Variants in ZFHX3 observed in about 807,000 individuals in gnomAD.
The protein encoded by ZFHX3 is zinc finger homeobox protein 3.
In ZFHX3, 42 loss-of-function variants were observed where a neutral mutation model predicts 279.1. That is an observed-to-expected ratio of 0.15 (90% confidence interval 0.12 to 0.19). The LOEUF (loss-of-function observed/expected upper bound fraction) is 0.19. Among genes scored for constraint, ZFHX3 ranks in the 10% least tolerant of loss-of-function variants. The pLI, the probability that ZFHX3 is intolerant of heterozygous loss-of-function variation, is 1.00. For synonymous variants in ZFHX3, 2,293 were observed against 1,957.8 expected (o/e 1.17, Z -4.52); for missense variants, 4,981 against 4,754.0 (o/e 1.05, Z -1.40).
chr16:73,806,927 G>A (rs910298774), intron 1 of ZFHX3, among the ~76,000 whole-genome samples: 14 of 152,306 alleles, frequency 9.2e-5, no homozygotes, highest in Non-Finnish European at 8.8e-5. Flanking sequence ...TAACTCAAGG[G>A]AATGCGAGCG....
intron 1 of ZFHX3, among the ~76,000 whole-genome samples, chr16:73,704,571 T>A (rs542458068): frequency 6.6e-6 from 1 of 152,328 alleles, no homozygotes; most frequent in Non-Finnish European, 1.5e-5. Flanking sequence ...TGTCTGTTGT[T>A]CCTGCCTTGT....
At chr16:73,868,278 T>C (rs1240520848) in intron 1 of ZFHX3, among the ~76,000 whole-genome samples, 2 of 152,186 alleles carry the variant, frequency 1.3e-5, no homozygotes, top group East Asian at 3.9e-4. Context: ...ATCCCAGCAG[T>C]TTGGGAGGCC....
chr16:73,485,062 A>T (rs1166926198), intron 2 of ZFHX3, among the ~76,000 whole-genome samples: 1 of 152,222 alleles, frequency 6.6e-6, no homozygotes, highest in Non-Finnish European at 1.5e-5. Flanking sequence ...CAAAGGGTAA[A>T]GAAAGAAGTA....
intron 2 of ZFHX3, among the ~76,000 whole-genome samples, chr16:73,587,900 T>C (rs75155000): frequency 0.018 from 2,694 of 152,280 alleles, 87 homozygotes; most frequent in East Asian, 0.096. Flanking sequence ...TTTCATATAA[T>C]ACAACTTAAA....
chr16:73,692,722 G>A (rs553154082), intron 1 of ZFHX3, among the ~76,000 whole-genome samples: 104 of 152,280 alleles, frequency 6.8e-4, no homozygotes, highest in African/African-American at 2.3e-3. Context: ...AAGGGGGAAC[G>A]TGAATTAAAG....
chr16:73,307,179 CT>C (rs1282667190), intron 4 of ZFHX3, among the ~76,000 whole-genome samples: 3 of 152,226 alleles, frequency 2.0e-5, no homozygotes, highest in African/African-American at 7.2e-5. Context: ...ATAGCAGCCC[CT>C]GTCCATCAAG....
chr16:72,952,753 C>T (rs1477238911), intron 2 of ZFHX3, among the ~76,000 whole-genome samples: 3 of 152,226 alleles, frequency 2.0e-5, no homozygotes, highest in East Asian at 1.9e-4. Flanking sequence ...TACAAGCTCA[C>T]ATTTGCTATG....
chr16:73,305,166 T>C lies in ZFHX3; in HGVS notation c.-1194+13074A>G, dbSNP rs530653689. On this transcript the variant is annotated intron_variant, in intron 4 of 17. Transcript: ENST00000641206. ...ACAGCAGCGGCATGAGCTGCCAACA[T>C]GAGGCGGGGTGGCCAGGTGGGAGGA... is the stretch of plus-strand genomic sequence containing the variant. Among the ~76,000 whole-genome samples the C allele has an allele frequency of 4.2e-4, 64 of 152,060 alleles. 2 individuals carry two copies. The East Asian group carries it at 0.012, about 28-fold the overall frequency.
chr16:73,337,120 T>C lies in ZFHX3; in HGVS notation c.-1290-18784A>G, dbSNP rs148854183. Among the ~76,000 whole-genome samples, 165 of 152,294 alleles carry C rather than the reference T, an allele frequency of 1.1e-3. 5 individuals carry two copies. In the East Asian group the frequency reaches 0.031, roughly 29 times the overall value. ...ATCATCATATTTCAAAATCCCCATT[T>C]ATTTCCATTTACCTGTTAGTCCCAG... On this transcript the variant is annotated intron_variant, in intron 3 of 17. Transcript: ENST00000641206.
At chr16:72,990,401 C>A (rs1041527347) in intron 1 of ZFHX3, among the ~76,000 whole-genome samples, 4 of 152,148 alleles carry the variant, frequency 2.6e-5, no homozygotes, top group Non-Finnish European at 5.9e-5. Flanking sequence ...CACATCGTGC[C>A]CCTGCCTCCA....
rs192421191 is a variant in ZFHX3, at chr16:73,591,923, G to T, written c.-1547+88257C>A. On this transcript the variant is annotated intron_variant, in intron 2 of 17. Coordinates refer to the ZFHX3 transcript ENST00000641206. ...TAATTTTTAGGTATGAACTGTTGGT[G>T]TGGCTATATTTTGTAAAGAAGTTCT... Among the ~76,000 whole-genome samples the T allele has an allele frequency of 3.2e-3, 482 of 151,896 alleles. 2 individuals are homozygous for T. The highest frequency in any genetic ancestry group is 0.011 in the African/African-American group (469 of 41,426).
chr16:73,437,581 T>C (rs1282266539), intron 3 of ZFHX3, among the ~76,000 whole-genome samples: 1 of 152,188 alleles, frequency 6.6e-6, no homozygotes, highest in Non-Finnish European at 1.5e-5. Flanking sequence ...TGTGTGCATT[T>C]TGTGTTACAT....
intron 2 of ZFHX3, among the ~76,000 whole-genome samples, chr16:73,570,509 AT>A (rs1241938663): frequency 6.6e-6 from 1 of 152,228 alleles, no homozygotes; most frequent in Non-Finnish European, 1.5e-5. Flanking sequence ...AATGGCATTA[AT>A]AAATCCTAAG....
chr16:72,809,596 T>C (rs2036377783), intron 7 of ZFHX3: 1 of 152,238 alleles, frequency 6.6e-6, no homozygotes, highest in Non-Finnish European at 1.5e-5. Flanking sequence ...CATTGGCTGC[T>C]AAAGTTCTCT....
intron 4 of ZFHX3, among the ~76,000 whole-genome samples, chr16:72,832,630 C>T (rs2037088756): frequency 6.6e-6 from 1 of 152,206 alleles, no homozygotes; most frequent in East Asian, 1.9e-4. Flanking sequence ...TAAGCCAGCT[C>T]CCTTTCAAGG....
At chr16:73,723,078 T>C (rs2053489736) in intron 1 of ZFHX3, among the ~76,000 whole-genome samples, 1 of 152,176 alleles carries the variant, frequency 6.6e-6, no homozygotes. Context: ...TCGCCATCCA[T>C]TTTACCAAAG....
At chr16:73,641,460 C>T (rs1447518763) in intron 2 of ZFHX3, among the ~76,000 whole-genome samples, 2 of 152,070 alleles carry the variant, frequency 1.3e-5, no homozygotes. Context: ...GAAGGTTCTA[C>T]TGGGAAGGTC....
chr16:72,978,309 G>A (rs1482352729), intron 1 of ZFHX3, among the ~76,000 whole-genome samples: 2 of 152,094 alleles, frequency 1.3e-5, no homozygotes, highest in South Asian at 2.1e-4. Context: ...CCTCTCACAC[G>A]CCTGATGAGA....
At chr16:73,873,703 C>G (rs1262060988) in intron 1 of ZFHX3, among the ~76,000 whole-genome samples, 1 of 152,076 alleles carries the variant, frequency 6.6e-6, no homozygotes, top group Admixed American at 6.5e-5. Context: ...TGCTATGACT[C>G]TTTAGAAAGG....
Sources: allele counts gnomAD v4.1 joint callset (sites outside exome capture counted in the v4.1 genomes callset), GRCh38; gene constraint gnomAD v4.1.1; transcripts MANE v1.5; gene names NCBI Gene and HGNC (gene_info 2026-07-23, HGNC 2026-07-21).